The following PDE4B variants were observed in gnomAD, a reference collection of about 807,000 sequenced individuals.
The protein encoded by PDE4B is phosphodiesterase 4B.
Under a neutral mutation model 82.2 loss-of-function variants are expected in PDE4B, and 20 were observed. The observed-to-expected ratio is 0.24, with a 90% CI of 0.17 to 0.35. The LOEUF (loss-of-function observed/expected upper bound fraction) is 0.35, where lower values mean the gene tolerates loss of function less well. Among genes scored for constraint, PDE4B ranks in the 10% least tolerant of loss-of-function variants. PDE4B has a pLI of 1.00. For synonymous variants in PDE4B, 320 were observed against 318.9 expected, an observed-to-expected ratio of 1.00 and a Z score of -0.04; for missense variants, 655 against 907.2, an observed-to-expected ratio of 0.72 and a Z score of 3.57.
At chr1:66,144,061 T>G (rs991005129) in intron 3 of PDE4B, among the ~76,000 whole-genome samples, 3 of 152,214 alleles carry the variant, frequency 2.0e-5, no homozygotes, top group Non-Finnish European at 4.4e-5. Flanking sequence ...CTTACTGATA[T>G]AGTTGGCCTG....
At chr1:66,355,359 T>C in intron 8 of PDE4B, 168 bp from the exon 9 acceptor site, 1 of 440,206 alleles carries the variant, frequency 2.3e-6, no homozygotes, top group South Asian at 7.4e-5. Flanking sequence ...AAAAGTGACG[T>C]TGGAATAATT....
chr1:65,898,016 A>C (rs1032241334), intron 1 of PDE4B, among the ~76,000 whole-genome samples: 3 of 151,898 alleles, frequency 2.0e-5, no homozygotes, highest in African/African-American at 7.2e-5. Flanking sequence ...TTGACTTTTA[A>C]GTAATAGCTA....
intron 1 of PDE4B, among the ~76,000 whole-genome samples, chr1:65,878,771 A>G (rs762106950): frequency 6.6e-6 from 1 of 152,036 alleles, no homozygotes; most frequent in Non-Finnish European, 1.5e-5. Context: ...TAGGACAAAT[A>G]CCTAAGGCAT....
intron 1 of PDE4B, among the ~76,000 whole-genome samples, chr1:65,905,544 T>G (rs569655360): frequency 1.5e-3 from 229 of 152,264 alleles, no homozygotes; most frequent in African/African-American, 4.6e-3. Flanking sequence ...AGGGTTTTGC[T>G]TTATCCTAAA....
chr1:66,127,672 G>A (rs2101098725), intron 3 of PDE4B, among the ~76,000 whole-genome samples: 1 of 152,216 alleles, frequency 6.6e-6, no homozygotes, highest in African/African-American at 2.4e-5. Context: ...ATATTCAGGA[G>A]GTTGATTCTG....
intron 1 of PDE4B, among the ~76,000 whole-genome samples, 189 bp downstream of exon 1, chr1:65,793,437 G>A (rs377738626): frequency 1.1e-4 from 16 of 152,340 alleles, no homozygotes; most frequent in African/African-American, 3.4e-4. Flanking sequence ...CCGCCAACCG[G>A]CCCCTAGCCT....
chr1:65,828,859 C>T (rs891499527), intron 1 of PDE4B, among the ~76,000 whole-genome samples: 1 of 152,024 alleles, frequency 6.6e-6, no homozygotes, highest in Non-Finnish European at 1.5e-5. Context: ...ATGTTCAGTT[C>T]AGCTCAGAGA....
At chr1:66,162,715 A>G (rs992247221) in intron 3 of PDE4B, among the ~76,000 whole-genome samples, 7 of 152,124 alleles carry the variant, frequency 4.6e-5, no homozygotes, top group African/African-American at 1.7e-4. Context: ...TCATGTTGGC[A>G]CCCAAAATGT....
chr1:65,867,261 C>T (rs1391178136), intron 1 of PDE4B, among the ~76,000 whole-genome samples: 3 of 151,226 alleles, frequency 2.0e-5, no homozygotes, highest in Non-Finnish European at 4.4e-5. Context: ...TATTAGACTT[C>T]AAAAAAAGTG....
intron 1 of PDE4B, among the ~76,000 whole-genome samples, chr1:65,877,193 C>T (rs1009752779): frequency 6.6e-6 from 1 of 152,114 alleles, no homozygotes; most frequent in Non-Finnish European, 1.5e-5. Context: ...GGTACTGGTA[C>T]CAAAACAGAC....
rs1557667909 is a variant in PDE4B, at chr1:66,266,015, CCTT to C, written c.585-19_585-17del. ...GGCAGTTTTGATACACAGACTCAGT[CCTT>C]CTTTTCTCTGTCTCCACAGGAGGTC... On this transcript the variant is annotated intron_variant, in intron 6 of 16. Transcript: ENST00000341517. The C allele has an allele frequency of 1.2e-6, 2 of 1,602,402 alleles. No homozygotes were observed. Among genetic ancestry groups the C allele is most frequent in the Admixed American group, 1.7e-5 (1 of 60,004 alleles).
At chr1:65,817,606 C>T (rs1489849964) in intron 1 of PDE4B, among the ~76,000 whole-genome samples, 2 of 151,934 alleles carry the variant, frequency 1.3e-5, no homozygotes, top group Non-Finnish European at 1.5e-5. Flanking sequence ...TATCTAAATT[C>T]GTTGTTTGGT....
chr1:66,159,614 T>C (rs1646570092), intron 3 of PDE4B, among the ~76,000 whole-genome samples: 1 of 152,192 alleles, frequency 6.6e-6, no homozygotes, highest in African/African-American at 2.4e-5. Flanking sequence ...GTTTGTAAAG[T>C]GCTATAGATA....
Position 65,866,302 on chromosome 1 carries a change from C to T in PDE4B, c.-70-46943C>T, listed in dbSNP as rs535022804. The stretch of plus-strand genomic sequence containing the variant: ...AAATAATTTAAGCCAACACCAAAAA[C>T]CCCTGAACATGTTTTTCTTTTAATA... On this transcript the variant is annotated intron_variant, in intron 1 of 16. Transcript: ENST00000341517. Among the ~76,000 whole-genome samples the T allele has an allele frequency of 2.6e-5, 4 of 152,056 alleles. No individual in the cohort carries two copies. In the East Asian group the frequency reaches 7.7e-4, roughly 29 times the overall value.
intron 6 of PDE4B, among the ~76,000 whole-genome samples, chr1:66,263,670 A>G (rs1461770420): frequency 6.6e-6 from 1 of 152,194 alleles, no homozygotes; most frequent in African/African-American, 2.4e-5. Flanking sequence ...ACATGAAGAA[A>G]TGACCCTAAA....
At chr1:66,354,975 A>T (rs2102003222) in intron 8 of PDE4B, 1 of 1,248,192 alleles carries the variant, frequency 8.0e-7, no homozygotes, top group South Asian at 1.3e-5. Flanking sequence ...AGTACAGGAC[A>T]TCTGTAATAA....
In PDE4B at chr1:66,247,522, C is replaced by G. The variant is rs765065185; in HGVS notation, c.344C>G (p.Ser115Cys). ...RSPLDPQASSSAGLVLHATFP... is the reference protein window; with the variant it reads ...RSPLDPQASSCAGLVLHATFP... Reference sequence around the variant, plus strand: ...CCACTGGATCCCCAGGCCAGCTCTTCCGCTGGGCTGGTACTTCACGCCACC... The same window carrying G: ...CCACTGGATCCCCAGGCCAGCTCTTGCGCTGGGCTGGTACTTCACGCCACC... Residue 115 changes from serine (S) to cysteine (C), a missense_variant, in exon 4 of 17, where the codon TCC becomes TGC. This residue lies in a region of PDE4B where 253 missense variants were observed against 275.6 expected (regional missense o/e 0.92). Transcript: ENST00000341517. 29 of 1,611,924 alleles carry G rather than the reference C, an allele frequency of 1.8e-5. No individual in the cohort carries two copies. The highest frequency in any genetic ancestry group is 2.4e-5 in the Non-Finnish European group (28 of 1,178,794).
At chr1:66,335,352 T>G in intron 8 of PDE4B, among the ~76,000 whole-genome samples, 1 of 152,194 alleles carries the variant, frequency 6.6e-6, no homozygotes, top group East Asian at 1.9e-4. Flanking sequence ...CTGAGGGGTA[T>G]TTGGGAATTA....
intron 1 of PDE4B, among the ~76,000 whole-genome samples, chr1:65,899,638 A>G (rs1027992789): frequency 2.0e-5 from 3 of 148,098 alleles, no homozygotes; most frequent in Non-Finnish European, 3.0e-5. Flanking sequence ...TGTAATTTAT[A>G]TATATAATAT....
Sources: allele counts gnomAD v4.1 joint callset (sites outside exome capture counted in the v4.1 genomes callset), GRCh38; gene constraint gnomAD v4.1.1; regional missense constraint gnomAD v4.1.1; transcripts MANE v1.5; gene names NCBI Gene and HGNC (gene_info 2026-07-23, HGNC 2026-07-21).